Variants in SUGCT observed in about 807,000 individuals in gnomAD.
SUGCT encodes succinyl-CoA:glutarate-CoA transferase.
A neutral mutation model predicts 55.0 loss-of-function variants in SUGCT; 41 were observed. The ratio of observed to expected loss-of-function variants is 0.74; its 90% CI spans 0.58 to 0.97. The LOEUF is 0.97. Among genes scored for constraint, SUGCT ranks in the 50% least tolerant of loss-of-function variants. The pLI is 0.00. For synonymous variants in SUGCT, 187 were observed against 200.4 expected (o/e 0.93, Z 0.56); for missense variants, 568 against 547.8 (o/e 1.04, Z -0.37).
intron 9 of SUGCT, among the ~76,000 whole-genome samples, chr7:40,375,257 C>A (rs892415660): frequency 1.3e-5 from 2 of 152,114 alleles, no homozygotes; most frequent in Non-Finnish European, 1.5e-5. Context: ...TTATCAGTAA[C>A]ACAATTTTAA....
the SUGCT span, among the ~76,000 whole-genome samples, chr7:40,879,444 AATAC>A: frequency 1.3e-5 from 2 of 152,164 alleles, no homozygotes; most frequent in Non-Finnish European, 2.9e-5. Context: ...CTAACTCAGA[AATAC>A]ATGCATGCAT....
intron 12 of SUGCT, among the ~76,000 whole-genome samples, chr7:40,653,801 T>A (rs1800889618): frequency 6.6e-6 from 1 of 152,238 alleles, no homozygotes; most frequent in Non-Finnish European, 1.5e-5. Flanking sequence ...GAAATCCATC[T>A]ATTAAGTAGC....
chr7:40,905,378 A>G, the SUGCT span, among the ~76,000 whole-genome samples: 1 of 152,374 alleles, frequency 6.6e-6, no homozygotes, highest in African/African-American at 2.4e-5. Flanking sequence ...ACAAGTAAAT[A>G]TTAATGAAAA....
intron 9 of SUGCT, among the ~76,000 whole-genome samples, chr7:40,439,638 C>T (rs1247876202): frequency 1.3e-5 from 2 of 152,146 alleles, no homozygotes; most frequent in Non-Finnish European, 2.9e-5. Flanking sequence ...CAGAACTTCT[C>T]TACTCTTTTT....
At chr7:40,512,362 AAGATGG>A (rs1453204418) in intron 12 of SUGCT, among the ~76,000 whole-genome samples, 1 of 152,226 alleles carries the variant, frequency 6.6e-6, no homozygotes, top group East Asian at 1.9e-4. Flanking sequence ...ACACAAGTTT[AAGATGG>A]AGTTATGGAT....
intron 13 of SUGCT, among the ~76,000 whole-genome samples, chr7:40,858,420 A>AG (rs905224015): frequency 2.0e-5 from 3 of 151,232 alleles, no homozygotes; most frequent in African/African-American, 7.3e-5. Context: ...AAAAAAAAAA[A>AG]AAAAAAAAAG....
At chr7:40,565,997 A>ACG (rs1173066522) in intron 12 of SUGCT, among the ~76,000 whole-genome samples, 2 of 66,722 alleles carry the variant, frequency 3.0e-5, no homozygotes, top group African/African-American at 7.2e-5. Flanking sequence ...ACACACGCAC[A>ACG]CACACACACA....
intron 9 of SUGCT, among the ~76,000 whole-genome samples, chr7:40,321,193 G>A (rs1287384662): frequency 5.5e-5 from 8 of 145,820 alleles, no homozygotes; most frequent in East Asian, 2.1e-4. Context: ...CTCCCCCCTC[G>A]GCCTCCTGAG....
chr7:40,623,350 C>T (rs1001643117), intron 12 of SUGCT, among the ~76,000 whole-genome samples: 1 of 152,164 alleles, frequency 6.6e-6, no homozygotes, highest in African/African-American at 2.4e-5. Context: ...TCCCATAATA[C>T]TAAATTACCC....
intron 8 of SUGCT, among the ~76,000 whole-genome samples, chr7:40,297,159 C>T (rs572035747): frequency 6.6e-6 from 1 of 152,208 alleles, no homozygotes; most frequent in Admixed American, 6.5e-5. Context: ...CCTTCAGTCC[C>T]TCTTCTGTCC....
intron 12 of SUGCT, among the ~76,000 whole-genome samples, chr7:40,592,492 T>C (rs925325507): frequency 2.0e-5 from 3 of 152,064 alleles, no homozygotes; most frequent in Non-Finnish European, 2.9e-5. Flanking sequence ...AGAGGAATGA[T>C]GAAGGTGAAT....
the SUGCT span, among the ~76,000 whole-genome samples, chr7:40,872,551 G>A: frequency 1.3e-5 from 2 of 152,188 alleles, no homozygotes; most frequent in African/African-American, 4.8e-5. Context: ...CACTGACCAG[G>A]CCGCATCCCC....
At chr7:40,527,345 C>T (rs1056089470) in intron 12 of SUGCT, among the ~76,000 whole-genome samples, 1 of 152,190 alleles carries the variant, frequency 6.6e-6, no homozygotes, top group African/African-American at 2.4e-5. Context: ...TTTGGTGACA[C>T]AAAACTCTTT....
chr7:40,305,065 C>T (rs1327281787), intron 8 of SUGCT, among the ~76,000 whole-genome samples: 4 of 152,098 alleles, frequency 2.6e-5, no homozygotes, highest in East Asian at 3.9e-4. Flanking sequence ...GCCACCTTTC[C>T]TCCTTTCTTC....
the SUGCT span, among the ~76,000 whole-genome samples, chr7:40,889,817 C>T: frequency 1.3e-5 from 2 of 152,266 alleles, no homozygotes; most frequent in Admixed American, 6.5e-5. Flanking sequence ...TTACCACTTT[C>T]CTGAGTTCAA....
At chr7:40,337,255 C>CT (rs1490227789) in intron 9 of SUGCT, among the ~76,000 whole-genome samples, 4 of 152,112 alleles carry the variant, frequency 2.6e-5, no homozygotes, top group Admixed American at 2.0e-4. Flanking sequence ...CTGTAGATGT[C>CT]TATTACTTCT....
Position 40,234,377 on chromosome 7 carries a change from C to T in SUGCT, c.485-3258C>T, listed in dbSNP as rs968014854. Among the ~76,000 whole-genome samples, 5 of 152,306 alleles carry T rather than the reference C, an allele frequency of 3.3e-5. No homozygotes were observed. In the South Asian group the frequency reaches 6.2e-4, roughly 19 times the overall value. The stretch of plus-strand genomic sequence containing the variant: ...ACCATTGCTTTGAAGGCTGGAATCC[C>T]GGGCCAGGGTGCCCTCTACAGCAGC... On this transcript the variant is annotated intron_variant, in intron 6 of 13. Transcript: ENST00000335693.
chr7:40,773,086 G>T (rs1210258035), intron 13 of SUGCT, among the ~76,000 whole-genome samples: 2 of 151,922 alleles, frequency 1.3e-5, no homozygotes, highest in Non-Finnish European at 2.9e-5. Context: ...GACTACAGGG[G>T]CACATGGAAT....
At chr7:40,621,869 C>G (rs1430480760) in intron 12 of SUGCT, among the ~76,000 whole-genome samples, 1 of 152,172 alleles carries the variant, frequency 6.6e-6, no homozygotes, top group Non-Finnish European at 1.5e-5. Flanking sequence ...TTGTTAGGCT[C>G]TTGGTCCCAA....
Sources: gnomAD v4.1 joint callset for allele counts (sites outside exome capture counted in the v4.1 genomes callset) on GRCh38, gnomAD v4.1.1 for gene constraint, MANE v1.5 for transcripts, NCBI Gene and HGNC (gene_info 2026-07-23, HGNC 2026-07-21) for gene names.